Variants in ADAM29 observed in about 807,000 individuals in gnomAD.
ADAM29 encodes the protein ADAM metallopeptidase domain 29, also known as disintegrin and metalloproteinase domain-containing protein 29.
For missense variants in ADAM29, 969 were observed against 1,001.8 expected (o/e 0.97, Z 0.44); for synonymous variants, 367 against 342.3 (o/e 1.07, Z -0.80).
At chr4:174,927,475 T>C (rs1743585857) in intron 2 of ADAM29, among the ~76,000 whole-genome samples, 3 of 152,236 alleles carry the variant, frequency 2.0e-5, no homozygotes, top group East Asian at 3.8e-4. Context: ...ATTTCCCTTA[T>C]TAACATTTTG....
intron 3 of ADAM29, among the ~76,000 whole-genome samples, chr4:174,936,431 T>C (rs994632989): frequency 6.6e-6 from 1 of 152,024 alleles, no homozygotes; most frequent in African/African-American, 2.4e-5. Flanking sequence ...TTACGAAGTT[T>C]ACTACTTTAG....
intron 4 of ADAM29, among the ~76,000 whole-genome samples, chr4:174,959,919 T>G (rs1286708771): frequency 6.6e-6 from 1 of 152,012 alleles, no homozygotes; most frequent in African/African-American, 2.4e-5. Flanking sequence ...TTATGAGATT[T>G]TATAGAATTC....
intron 4 of ADAM29, among the ~76,000 whole-genome samples, chr4:174,956,754 A>C (rs1745529462): frequency 6.6e-6 from 1 of 151,898 alleles, no homozygotes; most frequent in Admixed American, 6.6e-5. Context: ...TGCTGCATAC[A>C]GGTCCTAGGT....
At chr4:174,942,532 A>T (rs575534673) in intron 4 of ADAM29, among the ~76,000 whole-genome samples, 85 of 152,180 alleles carry the variant, frequency 5.6e-4, no homozygotes, top group African/African-American at 2.0e-3. Flanking sequence ...CAATGGTCAG[A>T]GCTGTATCTT....
At position 174,933,485 on chromosome 4, in the gene ADAM29, A is replaced by T. The variant is rs548093244; in HGVS notation, c.-262+2311A>T. 3.3e-5 allele frequency among the ~76,000 whole-genome samples: 5 copies of T among 152,296 alleles called. No homozygotes were observed. The South Asian group carries it at 1.0e-3, about 32-fold the overall frequency. On this transcript the variant is annotated intron_variant, in intron 3 of 4. Transcript: ENST00000359240. ...GCCTACCAAGCTCTATTTAAAAAAAAAACTTTTAGGTTCAGGGGTACACGA... is the reference window on the plus strand; with the variant it reads ...GCCTACCAAGCTCTATTTAAAAAAATAACTTTTAGGTTCAGGGGTACACGA...
At chr4:174,948,079 T>C (rs1264244204) in intron 4 of ADAM29, among the ~76,000 whole-genome samples, 1 of 152,222 alleles carries the variant, frequency 6.6e-6, no homozygotes, top group Non-Finnish European at 1.5e-5. Context: ...ATAGTTTGTT[T>C]GTATTCCTTA....
At chr4:174,960,492 C>T (rs541411135) in intron 4 of ADAM29, among the ~76,000 whole-genome samples, 1 of 152,156 alleles carries the variant, frequency 6.6e-6, no homozygotes, top group African/African-American at 2.4e-5. Flanking sequence ...GTGTATGTAT[C>T]ATCTGCAGGG....
chr4:174,973,916 A>G (rs1283155294), intron 4 of ADAM29, among the ~76,000 whole-genome samples: 1 of 152,196 alleles, frequency 6.6e-6, no homozygotes, highest in East Asian at 1.9e-4. Context: ...TGGCTCATTC[A>G]GGCTGCATTT....
rs755545384 is a variant in ADAM29 at position 174,975,818 on chromosome 4, A to G, written c.293A>G (p.Asn98Ser). Reference sequence around the variant, plus strand: ...CTTGAGGACCAGCCATTTGTCCAGAATAACTGCTACTATCATGGTTATGTG... The same window carrying G: ...CTTGAGGACCAGCCATTTGTCCAGAGTAACTGCTACTATCATGGTTATGTG... ...AILEDQPFVQ[N>S]NCYYHGYVEG... Residue 98 changes from asparagine (N) to serine (S), a missense_variant, in exon 5 of 5, where the codon AAT becomes AGT. Transcript: ENST00000359240. 1.2e-6 allele frequency: 2 copies of G among 1,614,078 alleles called. No individual in the cohort carries two copies. Among genetic ancestry groups the G allele is most frequent in the Admixed American group, 3.3e-5 (2 of 60,002 alleles).
chr4:174,924,114 T>G (rs539914464), intron 2 of ADAM29: 1 of 152,308 alleles, frequency 6.6e-6, no homozygotes, highest in African/African-American at 2.4e-5. Flanking sequence ...GAAATTACTT[T>G]ATTGTAAATC....
intron 3 of ADAM29, among the ~76,000 whole-genome samples, chr4:174,932,843 G>A (rs1343389960): frequency 2.6e-5 from 4 of 152,146 alleles, no homozygotes; most frequent in African/African-American, 7.2e-5. Context: ...AGTATGGAAC[G>A]ATGAAAAGAA....
intron 2 of ADAM29, among the ~76,000 whole-genome samples, chr4:174,928,114 T>C (rs953519364): frequency 3.9e-5 from 6 of 152,076 alleles, no homozygotes; most frequent in African/African-American, 1.4e-4. Flanking sequence ...TCCCTAAGGG[T>C]ATACAAAAAC....
At chr4:174,946,283 A>T (rs1211947171) in intron 4 of ADAM29, among the ~76,000 whole-genome samples, 1 of 151,968 alleles carries the variant, frequency 6.6e-6, no homozygotes, top group Non-Finnish European at 1.5e-5. Context: ...TATGTTCTTG[A>T]TTTGGCTCTC....
intron 3 of ADAM29, among the ~76,000 whole-genome samples, chr4:174,935,512 T>C (rs1435988257): frequency 1.3e-5 from 2 of 152,078 alleles, no homozygotes; most frequent in East Asian, 3.9e-4. Context: ...CTAGTAAGAT[T>C]TTTTTGCTTG....
chr4:174,920,252 A>C (rs1371995183), intron 1 of ADAM29, among the ~76,000 whole-genome samples: 1 of 152,178 alleles, frequency 6.6e-6, no homozygotes, highest in Non-Finnish European at 1.5e-5. Flanking sequence ...GGCTTCTACT[A>C]ACAGTTTTAC....
At chr4:174,942,684 G>C (rs1002369474) in intron 4 of ADAM29, among the ~76,000 whole-genome samples, 19 of 152,144 alleles carry the variant, frequency 1.2e-4, no homozygotes, top group Non-Finnish European at 8.8e-5. Context: ...GATGGGAGGG[G>C]CTGCTGTGAG....
intron 2 of ADAM29, among the ~76,000 whole-genome samples, chr4:174,923,271 G>A (rs890968796): frequency 2.0e-5 from 3 of 151,782 alleles, no homozygotes; most frequent in African/African-American, 7.2e-5. Flanking sequence ...TGGCCAGGCT[G>A]ATCTCCAACT....
intron 2 of ADAM29, among the ~76,000 whole-genome samples, 182 bp from the exon 3 acceptor site, chr4:174,930,803 AT>A (rs1743818193): frequency 6.6e-6 from 1 of 152,136 alleles, no homozygotes; most frequent in African/African-American, 2.4e-5. Context: ...GAAATTTTAT[AT>A]TTATGCATTT....
At chr4:174,949,464 C>T (rs535693569) in intron 4 of ADAM29, among the ~76,000 whole-genome samples, 1 of 152,272 alleles carries the variant, frequency 6.6e-6, no homozygotes, top group African/African-American at 2.4e-5. Flanking sequence ...TTCCAGAGGT[C>T]CATGATAAGT....
Sources: allele counts gnomAD v4.1 joint callset (sites outside exome capture counted in the v4.1 genomes callset), GRCh38; gene constraint gnomAD v4.1.1; transcripts MANE v1.5; gene names NCBI Gene and HGNC (gene_info 2026-07-23, HGNC 2026-07-21).